Variants in PCED1B observed in about 807,000 individuals in gnomAD.
PCED1B encodes PC-esterase domain containing 1B.
For synonymous variants in PCED1B, 251 were observed against 246.1 expected, an observed-to-expected ratio of 1.02 and a Z score of -0.19; for missense variants, 573 against 573.9, an observed-to-expected ratio of 1.00 and a Z score of 0.02.
intron 2 of PCED1B, among the ~76,000 whole-genome samples, chr12:47,151,881 G>T (rs1199816251): frequency 6.6e-6 from 1 of 152,194 alleles, no homozygotes; most frequent in Non-Finnish European, 1.5e-5. Context: ...CCCAGAAACA[G>T]TCTTACAGAC....
intron 2 of PCED1B, among the ~76,000 whole-genome samples, chr12:47,213,275 C>A (rs992191572): frequency 3.9e-5 from 6 of 152,178 alleles, no homozygotes; most frequent in African/African-American, 1.4e-4. Flanking sequence ...ACAAATTATT[C>A]ATTATTCATA....
intron 2 of PCED1B, among the ~76,000 whole-genome samples, chr12:47,104,552 C>A (rs932073050): frequency 6.6e-6 from 1 of 152,120 alleles, no homozygotes; most frequent in African/African-American, 2.4e-5. Context: ...CAGGCCACAG[C>A]CAAACAACCA....
rs1943268506 is a variant in PCED1B at position 47,216,683 on chromosome 12, TTAA to T, written c.-62_-60del. ...AGATGCTTAAAAATCACCAGTTACT[TTAA>T]TGAGTAAGTACTTTTCAGTTTTTCC... On this transcript the variant is annotated 5_prime_UTR_variant, in exon 3 of 4. An upstream start codon of the reference 5' UTR is lost. Transcript: ENST00000546455. The T allele has an allele frequency of 6.6e-6, 1 of 152,220 alleles. No individual in the cohort carries two copies. Among genetic ancestry groups the T allele is most frequent in the Non-Finnish European group, 1.5e-5 (1 of 68,044 alleles). The allele number at this position is 152,220 out of a possible 1,614,324, so 9.4% of individuals were successfully genotyped here. A position where few individuals can be genotyped will look rare whatever the true frequency, so the allele number is the denominator to read the frequency against.
intron 2 of PCED1B, among the ~76,000 whole-genome samples, chr12:47,199,188 A>G (rs1377933876): frequency 6.6e-6 from 1 of 152,186 alleles, no homozygotes; most frequent in Admixed American, 6.5e-5. Flanking sequence ...TTACTTAGGT[A>G]TAAATCTAAG....
At chr12:47,087,002 TGA>T (rs998671346) in intron 1 of PCED1B, among the ~76,000 whole-genome samples, 1 of 152,174 alleles carries the variant, frequency 6.6e-6, no homozygotes, top group African/African-American at 2.4e-5. Flanking sequence ...AAAATAAAAT[TGA>T]GAGAGAAAAG....
intron 1 of PCED1B, among the ~76,000 whole-genome samples, chr12:47,087,372 G>T (rs1302180817): frequency 6.6e-6 from 1 of 152,116 alleles, no homozygotes; most frequent in East Asian, 1.9e-4. Context: ...CAATATTAGT[G>T]GTAGAAGCAG....
intron 2 of PCED1B, among the ~76,000 whole-genome samples, chr12:47,149,952 C>A (rs1472325315): frequency 1.3e-5 from 2 of 152,066 alleles, no homozygotes; most frequent in Non-Finnish European, 2.9e-5. Context: ...TTTTTTAACC[C>A]ATCCCCTCAA....
At chr12:47,232,084 G>A (rs1021166018) in intron 3 of PCED1B, among the ~76,000 whole-genome samples, 7 of 152,176 alleles carry the variant, frequency 4.6e-5, no homozygotes. Flanking sequence ...TACTCCCTAT[G>A]TGGAGCATAT....
At chr12:47,184,722 T>C (rs1942201880) in intron 2 of PCED1B, among the ~76,000 whole-genome samples, 1 of 152,030 alleles carries the variant, frequency 6.6e-6, no homozygotes, top group South Asian at 2.1e-4. Flanking sequence ...AGAAAGGATA[T>C]TTTAATTTTT....
chr12:47,096,410 A>G (rs1489570354), intron 1 of PCED1B, among the ~76,000 whole-genome samples: 1 of 150,680 alleles, frequency 6.6e-6, no homozygotes, highest in African/African-American at 2.4e-5. Flanking sequence ...TCTTCTTTAT[A>G]TATAATACAC....
intron 2 of PCED1B, among the ~76,000 whole-genome samples, chr12:47,157,215 C>T (rs1941222187): frequency 6.6e-6 from 1 of 151,998 alleles, no homozygotes; most frequent in Admixed American, 6.6e-5. Context: ...ATAAAAAATC[C>T]CATCTTGTTA....
At chr12:47,107,186 GAA>G (rs1446376556) in intron 2 of PCED1B, among the ~76,000 whole-genome samples, 4 of 152,196 alleles carry the variant, frequency 2.6e-5, no homozygotes, top group African/African-American at 9.7e-5. Flanking sequence ...TCATGTTCAT[GAA>G]AGATTCTCCT....
At chr12:47,221,290 T>A (rs1943468659) in intron 3 of PCED1B, among the ~76,000 whole-genome samples, 1 of 151,028 alleles carries the variant, frequency 6.6e-6, no homozygotes, top group Admixed American at 6.6e-5. Context: ...CTAAGCTATA[T>A]CTTCAAAATA....
intron 2 of PCED1B, among the ~76,000 whole-genome samples, chr12:47,150,669 A>C (rs1246147593): frequency 6.6e-6 from 1 of 151,862 alleles, no homozygotes; most frequent in African/African-American, 2.4e-5. Context: ...CATGGGGGAG[A>C]GCATTTCAAG....
intron 2 of PCED1B, among the ~76,000 whole-genome samples, chr12:47,214,489 G>A (rs1943188429): frequency 6.6e-6 from 1 of 151,952 alleles, no homozygotes; most frequent in Admixed American, 6.6e-5. Flanking sequence ...AAATTAAATT[G>A]ACATAAAACA....
intron 3 of PCED1B, among the ~76,000 whole-genome samples, chr12:47,231,216 TTTA>T (rs1177606541): frequency 7.2e-5 from 11 of 152,124 alleles, no homozygotes; most frequent in Admixed American, 5.9e-4. Context: ...GCGCGTATGT[TTTA>T]TTATTTTTTT....
chr12:47,236,416 C>A lies in PCED1B; in HGVS notation c.*54C>A. On this transcript the variant is annotated 3_prime_UTR_variant, in exon 4 of 4. Transcript: ENST00000546455. ...GAACATGGATTGGACAGATCTGACA[C>A]TTCCTTTCCATTGCTTGGCCTGAAC... The A allele has an allele frequency of 6.9e-7, 1 of 1,445,902 alleles. No homozygotes were observed. Among genetic ancestry groups the A allele is most frequent in the Non-Finnish European group, 9.2e-7 (1 of 1,089,124 alleles). The allele number at this position is 1,445,902 out of a possible 1,614,324, so 89.6% of individuals were successfully genotyped here.
At position 47,079,637 on chromosome 12, in the gene PCED1B, G is replaced by C. The variant is rs1941923429; in HGVS notation, c.-697G>C. ...CAACTTTGAGGAGTTTCAAGCAGCC[G>C]CGGCGGCAGCAGCAGCCCTGGACGC... On this transcript the variant is annotated 5_prime_UTR_variant, in exon 1 of 4. Coordinates refer to ENST00000546455, the MANE Select transcript of PCED1B (RefSeq NM_138371.3). The C allele has an allele frequency of 6.5e-6, 1 of 152,934 alleles. No individual in the cohort carries two copies. The highest frequency in any genetic ancestry group is 2.1e-4 in the South Asian group (1 of 4,842). The allele number at this position is 152,934 out of a possible 1,614,324, so 9.5% of individuals were successfully genotyped here.
intron 3 of PCED1B, among the ~76,000 whole-genome samples, chr12:47,228,640 C>T (rs751049479): frequency 9.2e-5 from 14 of 152,074 alleles, no homozygotes; most frequent in Middle Eastern, 3.4e-3. Context: ...GAGGCCAAGG[C>T]GGGCAGATCA....
Sources: allele counts gnomAD v4.1 joint callset (sites outside exome capture counted in the v4.1 genomes callset), GRCh38; gene constraint gnomAD v4.1.1; transcripts MANE v1.5; gene names NCBI Gene and HGNC (gene_info 2026-07-23, HGNC 2026-07-21).